The following PCNX1 variants were observed in gnomAD, a reference collection of about 807,000 sequenced individuals.
PCNX1 encodes pecanex 1.
PCNX1 carries 78 observed loss-of-function variants against 242.2 expected under a neutral mutation model. That is an observed-to-expected ratio of 0.32 (90% CI 0.27 to 0.39). The LOEUF (loss-of-function observed/expected upper bound fraction) is 0.39, where lower values mean the gene tolerates loss of function less well. Ranked by LOEUF, PCNX1 falls within the 10% of genes least tolerant of loss-of-function variation. The pLI, the probability that PCNX1 is intolerant of heterozygous loss-of-function variation, is 1.00. For missense variants in PCNX1, 2,581 were observed against 2,856.5 expected, an observed-to-expected ratio of 0.90 and a Z score of 2.20; for synonymous variants, 1,024 against 1,032.9, an observed-to-expected ratio of 0.99 and a Z score of 0.17.
chr14:70,933,797 C>T (rs1479670270), intron 1 of PCNX1, among the ~76,000 whole-genome samples: 1 of 152,172 alleles, frequency 6.6e-6, no homozygotes, highest in African/African-American at 2.4e-5. Context: ...ATACCTTGCA[C>T]ATCATAATCA....
At chr14:70,970,177 TAGTG>T (rs1354829382) in intron 5 of PCNX1, among the ~76,000 whole-genome samples, 2 of 151,810 alleles carry the variant, frequency 1.3e-5, no homozygotes, top group Non-Finnish European at 2.9e-5. Context: ...CTGGGTAACA[TAGTG>T]AGATGCCTGT....
intron 2 of PCNX1, among the ~76,000 whole-genome samples, chr14:70,948,872 T>G (rs1023461639): frequency 1.3e-5 from 2 of 148,704 alleles, no homozygotes; most frequent in Non-Finnish European, 3.0e-5. Flanking sequence ...CATATGTATA[T>G]ATAGATATGT....
chr14:71,090,837 C>T (rs1003886451), intron 30 of PCNX1, among the ~76,000 whole-genome samples: 4 of 152,322 alleles, frequency 2.6e-5, no homozygotes, highest in African/African-American at 7.2e-5. Context: ...TGAAACTGAG[C>T]ACAGAATTAA....
intron 25 of PCNX1, 116 bp from the exon 26 acceptor site, chr14:71,057,393 T>A (rs2061212202): frequency 3.0e-6 from 2 of 669,146 alleles, no homozygotes; most frequent in Middle Eastern, 4.1e-4. Context: ...ATGAATGTTA[T>A]TTTCCTTGTC....
rs564214683 is a variant in PCNX1 at position 70,934,821 on chromosome 14, C to T, written c.154-12094C>T. 3.9e-5 allele frequency among the ~76,000 whole-genome samples: 6 copies of T among 152,156 alleles called. No individual in the cohort carries two copies. In the East Asian group the frequency reaches 1.2e-3, roughly 29 times the overall value. ...GATAGAGGGTTTCAGTTTTGTAAAA[C>T]GAAAAAGTTCTGCAGATAAGTTGCA... is the stretch of plus-strand genomic sequence containing the variant. On this transcript the variant is annotated intron_variant, in intron 1 of 35. Coordinates refer to ENST00000304743, the MANE Select transcript of PCNX1 (RefSeq NM_014982.3).
At position 70,962,342 on chromosome 14, in the gene PCNX1, G is replaced by A. The variant is rs756090138; in HGVS notation, c.468+11G>A. The A allele has an allele frequency of 1.9e-6, 3 of 1,541,104 alleles. No homozygotes were observed. The highest frequency in any genetic ancestry group is 2.7e-5 in the African/African-American group (2 of 73,500). On this transcript the variant is annotated intron_variant, in intron 3 of 35. Transcript: ENST00000304743. ...GATCCAAGCAACCAGGTAGGAACCTGCGCTGTTTTATTTTGCCTTTTTCCC... is the reference window on the plus strand; with the variant it reads ...GATCCAAGCAACCAGGTAGGAACCTACGCTGTTTTATTTTGCCTTTTTCCC...
In PCNX1 at chr14:71,101,891, C is replaced by G. The variant is rs1328842615; in HGVS notation, c.5590-99C>G. 3 of 601,420 alleles carry G rather than the reference C, an allele frequency of 5.0e-6. No homozygotes were observed. In the Admixed American group the frequency reaches 9.9e-5, roughly 20 times the overall value. 37.3% of individuals were successfully genotyped at this position (601,420 alleles called of 1,614,324 possible). On this transcript the variant is annotated intron_variant, in intron 30 of 35. Coordinates refer to ENST00000304743, the MANE Select transcript of PCNX1 (RefSeq NM_014982.3). ...TAATATTAACATGTGTTGAAATATT[C>G]ATAATAAACCAGTTTTTAAGAACTT... is the stretch of plus-strand genomic sequence containing the variant.
At chr14:71,071,495 T>C (rs1039258852) in intron 26 of PCNX1, among the ~76,000 whole-genome samples, 3 of 152,180 alleles carry the variant, frequency 2.0e-5, no homozygotes, top group Non-Finnish European at 2.9e-5. Context: ...TTCCCCTTGC[T>C]GTTCTCATGA....
chr14:70,980,521 A>G (rs778334910), intron 6 of PCNX1, among the ~76,000 whole-genome samples: 1 of 152,062 alleles, frequency 6.6e-6, no homozygotes, highest in Non-Finnish European at 1.5e-5. Context: ...TTTGAGCTTC[A>G]TTGGGTTTAG....
chr14:70,944,820 C>G (rs569716665), intron 1 of PCNX1, among the ~76,000 whole-genome samples: 42 of 152,282 alleles, frequency 2.8e-4, no homozygotes, highest in African/African-American at 9.9e-4. Context: ...AGTGAGTTCT[C>G]ATGAGAACTG....
intron 1 of PCNX1, among the ~76,000 whole-genome samples, chr14:70,927,993 ATATT>A (rs1819228505): frequency 1.3e-5 from 2 of 152,148 alleles, no homozygotes; most frequent in South Asian, 2.1e-4. Context: ...ATTTTTGTAT[ATATT>A]AATATTTCAT....
chr14:71,039,650 TG>T (rs2060649839), intron 19 of PCNX1, among the ~76,000 whole-genome samples: 1 of 152,186 alleles, frequency 6.6e-6, no homozygotes, highest in Non-Finnish European at 1.5e-5. Flanking sequence ...GCAAGGATCA[TG>T]GGAAGCATTT....
In PCNX1 at chr14:70,907,997, CT is replaced by C; in HGVS notation, c.148del (p.Tyr50ThrfsTer8). On this transcript the variant is annotated frameshift_variant, in exon 1 of 36. Coordinates refer to ENST00000304743, the MANE Select transcript of PCNX1 (RefSeq NM_014982.3). LOFTEE classifies it high-confidence loss of function. ...TTCTGCTGGGCCTGCCCTTCACCCTCTACATGGTGAGTGTGGGGGCGGGGAG... is the reference window on the plus strand; with the variant it reads ...TTCTGCTGGGCCTGCCCTTCACCCTCACATGGTGAGTGTGGGGGCGGGGAG... ...LFLLGLPFTL[Y>X]MALPSTMIIV... 1 of 1,590,270 alleles carries C rather than the reference CT, an allele frequency of 6.3e-7. No homozygotes were observed. Among genetic ancestry groups the C allele is most frequent in the Non-Finnish European group, 8.5e-7 (1 of 1,170,266 alleles).
At chr14:71,028,659 T>C (rs2060300738) in intron 15 of PCNX1, 41 bp from the exon 16 acceptor site, 1 of 1,177,546 alleles carries the variant, frequency 8.5e-7, no homozygotes, top group African/African-American at 1.5e-5. Flanking sequence ...TTTTCATATA[T>C]TTTTATAAAA....
chr14:70,910,657 T>A (rs79584733), intron 1 of PCNX1, among the ~76,000 whole-genome samples: 2 of 152,212 alleles, frequency 1.3e-5, no homozygotes, highest in Admixed American at 1.3e-4. Context: ...GCCCACCTTT[T>A]AAAATAGTAT....
intron 2 of PCNX1, among the ~76,000 whole-genome samples, chr14:70,951,275 G>A (rs2057767265): frequency 6.6e-6 from 1 of 151,642 alleles, no homozygotes; most frequent in South Asian, 2.1e-4. Context: ...ATACCATACT[G>A]TTTTTATCAT....
chr14:71,014,370 GA>G lies in PCNX1; in HGVS notation c.2996+1169del, dbSNP rs575867158. On this transcript the variant is annotated intron_variant, in intron 11 of 35. Transcript: ENST00000304743. ...CAATGTCTAGCATTCAGTCAAAGAT[GA>G]CCAAGTGTGCAAAGAAGTGAGAAAA... Among the ~76,000 whole-genome samples the G allele has an allele frequency of 2.0e-3, 311 of 152,268 alleles. 1 individual carries two copies. Among genetic ancestry groups the G allele is most frequent in the Non-Finnish European group, 3.4e-3 (233 of 68,010 alleles).
rs2059329960 is a variant in PCNX1 at position 70,995,751 on chromosome 14, G to A, written c.2455G>A (p.Gly819Ser). 2 of 1,613,854 alleles carry A rather than the reference G, an allele frequency of 1.2e-6. No individual in the cohort carries two copies. Among genetic ancestry groups the A allele is most frequent in the Non-Finnish European group, 8.5e-7 (1 of 1,179,866 alleles). Residue 819 changes from glycine to serine, a missense_variant, in exon 8 of 36, where the codon GGT becomes AGT. Gly to Ser is a moderately conservative substitution (Grantham distance 56, BLOSUM62 0). This residue lies in a region of PCNX1 where 1,204 missense variants were observed against 1,216.7 expected (regional missense o/e 0.99). Transcript: ENST00000304743. ...CATGTTTTTTCCTAGCCTTCAAGAT[G>A]GTCAGCAAGGCCAGCAGTCCACAGC... is the stretch of plus-strand genomic sequence containing the variant. Reference protein sequence around the residue: ...LIGSPLSLQDGQQGQQSTAQV... With the variant: ...LIGSPLSLQDSQQGQQSTAQV...
chr14:71,022,022 A>T (rs2060116676), intron 12 of PCNX1, among the ~76,000 whole-genome samples: 1 of 152,070 alleles, frequency 6.6e-6, no homozygotes, highest in South Asian at 2.1e-4. Context: ...AGTCCTGTGT[A>T]TCTAACAGAC....
Sources: allele counts gnomAD v4.1 joint callset (sites outside exome capture counted in the v4.1 genomes callset), GRCh38; gene constraint gnomAD v4.1.1; regional missense constraint gnomAD v4.1.1; transcripts MANE v1.5; gene names NCBI Gene and HGNC (gene_info 2026-07-23, HGNC 2026-07-21).